The following SLC35A3 variants were observed in gnomAD, a reference collection of about 807,000 sequenced individuals.
SLC35A3 encodes the protein solute carrier family 35 member A3, also known as UDP-N-acetylglucosamine transporter.
SLC35A3 carries 26 observed loss-of-function variants against 39.0 expected under a neutral mutation model. The observed-to-expected ratio is 0.67, with a 90% CI of 0.49 to 0.92. The LOEUF (loss-of-function observed/expected upper bound fraction) is 0.92. Among genes scored for constraint, SLC35A3 ranks in the 40% least tolerant of loss-of-function variants. The probability of loss-of-function intolerance (pLI) is 0.00; values close to 1 mark genes in which losing one functional copy is unlikely to be tolerated. For missense variants in SLC35A3, 299 were observed against 371.6 expected, an observed-to-expected ratio of 0.80 and a Z score of 1.61; for synonymous variants, 135 against 133.1, an observed-to-expected ratio of 1.01 and a Z score of -0.10.
intron 5 of SLC35A3, among the ~76,000 whole-genome samples, chr1:100,012,232 C>G (rs1216477513): frequency 6.6e-6 from 1 of 151,588 alleles, no homozygotes; most frequent in African/African-American, 2.4e-5. Flanking sequence ...TGCAGTGAGC[C>G]AAGAATAAAG....
intron 2 of SLC35A3, among the ~76,000 whole-genome samples, chr1:99,998,032 T>C (rs1025289870): frequency 6.6e-6 from 1 of 152,166 alleles, no homozygotes; most frequent in African/African-American, 2.4e-5. Context: ...TTGAGTTTTC[T>C]TCAGTCTCAA....
intron 1 of SLC35A3, among the ~76,000 whole-genome samples, chr1:99,983,589 A>C (rs1657581123): frequency 1.3e-5 from 2 of 151,292 alleles, no homozygotes; most frequent in South Asian, 2.1e-4. Context: ...TAGAAGGAAT[A>C]AGTTTGAGTA....
chr1:99,975,421 T>A (rs1657055629), intron 1 of SLC35A3, among the ~76,000 whole-genome samples: 1 of 152,148 alleles, frequency 6.6e-6, no homozygotes, highest in Admixed American at 6.5e-5. Flanking sequence ...TGTATATCAT[T>A]TGTCAACAAA....
rs1279242174 is a variant in SLC35A3 at position 100,025,749 on chromosome 1, G to A, written c.*3273G>A. 6.6e-6 allele frequency: 1 copy of A among 152,092 alleles called. No homozygotes were observed. The highest frequency in any genetic ancestry group is 1.5e-5 in the Non-Finnish European group (1 of 68,002). The allele number at this position is 152,092 out of a possible 1,614,324, so 9.4% of individuals were successfully genotyped here. A position where few individuals can be genotyped will look rare whatever the true frequency, so the allele number is the denominator to read the frequency against. On this transcript the variant is annotated 3_prime_UTR_variant, in exon 8 of 8. Transcript: ENST00000533028. ...CCTTACTGTATCAAGCTTTTATAAT[G>A]ATGACTCCTTCATTATTTAAATTCC...
chr1:100,027,764 C>T lies in SLC35A3; in HGVS notation c.*5288C>T, dbSNP rs905098083. On this transcript the variant is annotated 3_prime_UTR_variant, in exon 8 of 8. Coordinates refer to ENST00000533028, the MANE Select transcript of SLC35A3 (RefSeq NM_012243.3). ...CTTTGTAAAAAAATCACTAAAGTGC[C>T]AGCATTTTTAAAGTGTATATTTTTC... 1 of 151,984 alleles carries T rather than the reference C, an allele frequency of 6.6e-6. No individual in the cohort carries two copies. Among genetic ancestry groups the T allele is most frequent in the Non-Finnish European group, 1.5e-5 (1 of 67,988 alleles). 9.4% of individuals were successfully genotyped at this position (151,984 alleles called of 1,614,324 possible).
intron 3 of SLC35A3, among the ~76,000 whole-genome samples, chr1:99,999,651 G>A (rs1190331693): frequency 6.6e-6 from 1 of 151,930 alleles, no homozygotes; most frequent in Non-Finnish European, 1.5e-5. Flanking sequence ...GTTAACCATA[G>A]TCACCTTACT....
chr1:100,007,369 C>G (rs1326148610), intron 4 of SLC35A3: 1 of 394,582 alleles, frequency 2.5e-6, no homozygotes, highest in Non-Finnish European at 4.4e-6. Context: ...ATTATATTAC[C>G]TACAGAAGTG....
intron 1 of SLC35A3, chr1:99,970,638 G>GC: frequency 6.5e-7 from 1 of 1,535,954 alleles, no homozygotes; most frequent in Non-Finnish European, 8.7e-7. Context: ...TGGAAAGGCT[G>GC]CCCTTGGTAA....
intron 1 of SLC35A3, among the ~76,000 whole-genome samples, chr1:99,989,199 T>A (rs1657930224): frequency 6.6e-6 from 1 of 152,258 alleles, no homozygotes; most frequent in South Asian, 2.1e-4. Flanking sequence ...CATTGTGGTC[T>A]TAATTTGTAT....
intron 6 of SLC35A3, among the ~76,000 whole-genome samples, chr1:100,016,165 A>G (rs1660096156): frequency 6.6e-6 from 1 of 150,480 alleles, no homozygotes; most frequent in African/African-American, 2.5e-5. Flanking sequence ...CCCAGGTTCA[A>G]GCAATTCTCC....
intron 4 of SLC35A3, 194 bp downstream of exon 4, chr1:100,007,350 C>G: frequency 2.2e-6 from 1 of 453,542 alleles, no homozygotes; most frequent in Non-Finnish European, 3.8e-6. Flanking sequence ...AGGAATTAAT[C>G]AAAATAAAAT....
chr1:99,994,642 A>G (rs1395073530), intron 2 of SLC35A3, among the ~76,000 whole-genome samples: 1 of 152,192 alleles, frequency 6.6e-6, no homozygotes, highest in East Asian at 1.9e-4. Context: ...TGGCTGAATA[A>G]CATTCTATTG....
chr1:99,974,276 T>A (rs1004573061), intron 1 of SLC35A3, among the ~76,000 whole-genome samples: 21 of 152,324 alleles, frequency 1.4e-4, no homozygotes, highest in African/African-American at 4.8e-4. Context: ...AGTATAATAA[T>A]CACTTTATTT....
intron 1 of SLC35A3, among the ~76,000 whole-genome samples, chr1:99,989,533 C>T (rs976463164): frequency 6.6e-6 from 1 of 152,174 alleles, no homozygotes; most frequent in Non-Finnish European, 1.5e-5. Context: ...ATCCACCCAC[C>T]TCGGCCTCCC....
At chr1:99,997,413 TATATATATA>T (rs1557832810) in intron 2 of SLC35A3, among the ~76,000 whole-genome samples, 1 of 14,554 alleles carries the variant, frequency 6.9e-5, no homozygotes, top group East Asian at 3.0e-3. Flanking sequence ...TATAGTTTTA[TATATATATA>T]TATATATATA....
chr1:99,993,405 C>G, intron 1 of SLC35A3, 132 bp from the exon 2 acceptor site: 2 of 570,986 alleles, frequency 3.5e-6, no homozygotes, highest in Non-Finnish European at 2.9e-6. Context: ...GTTTTTTTTT[C>G]TTTTTTCTTT....
intron 1 of SLC35A3, among the ~76,000 whole-genome samples, chr1:99,976,588 A>G (rs1174226722): frequency 6.6e-6 from 1 of 152,232 alleles, no homozygotes; most frequent in Non-Finnish European, 1.5e-5. Context: ...TGAACTGGAC[A>G]TAAAACTATG....
intron 1 of SLC35A3, among the ~76,000 whole-genome samples, chr1:99,984,630 C>A (rs1657645531): frequency 6.6e-6 from 1 of 152,310 alleles, no homozygotes. Context: ...AATGGTAGTT[C>A]TACTTTTAGT....
At position 100,024,778 on chromosome 1, in the gene SLC35A3, C is replaced by G. The variant is rs1164242135; in HGVS notation, c.*2302C>G. 2 of 395,706 alleles carry G rather than the reference C, an allele frequency of 5.1e-6. No homozygotes were observed. Among genetic ancestry groups the G allele is most frequent in the Admixed American group, 4.4e-5 (1 of 22,582 alleles). 24.5% of individuals were successfully genotyped at this position (395,706 alleles called of 1,614,324 possible). A position where few individuals can be genotyped will look rare whatever the true frequency, so the allele number is the denominator to read the frequency against. On this transcript the variant is annotated 3_prime_UTR_variant, in exon 8 of 8. Transcript: ENST00000533028. ...GATTGCAGGCGTGAGCCACTGCGCCCGGCCTATACTGTATATATTTTTAAA... is the reference window on the plus strand; with the variant it reads ...GATTGCAGGCGTGAGCCACTGCGCCGGGCCTATACTGTATATATTTTTAAA...
Sources: gnomAD v4.1 joint callset for allele counts (sites outside exome capture counted in the v4.1 genomes callset) on GRCh38, gnomAD v4.1.1 for gene constraint, MANE v1.5 for transcripts, NCBI Gene and HGNC (gene_info 2026-07-23, HGNC 2026-07-21) for gene names.